CDH13: variants seen among roughly 807,000 people sequenced by gnomAD.
CDH13 encodes cadherin 13.
In CDH13, 24 loss-of-function variants were observed where a neutral mutation model predicts 63.8. The observed-to-expected ratio is 0.38, with a 90% CI of 0.27 to 0.53. CDH13 has a LOEUF of 0.53. Among genes scored for constraint, CDH13 ranks in the 20% least tolerant of loss-of-function variants. CDH13 has a pLI of 0.85. For synonymous variants in CDH13, 503 were observed against 355.3 expected, an observed-to-expected ratio of 1.42 and a Z score of -4.67; for missense variants, 1,049 against 903.1, an observed-to-expected ratio of 1.16 and a Z score of -2.07.
At chr16:82,627,343 T>C (rs893125357) in intron 1 of CDH13, among the ~76,000 whole-genome samples, 1,444 of 114,346 alleles carry the variant, frequency 0.013, 22 homozygotes, top group Non-Finnish European at 0.016. Context: ...CGTGCGTGTG[T>C]GTGTGTGTGT....
intron 7 of CDH13, among the ~76,000 whole-genome samples, chr16:83,521,949 G>A (rs868338242): frequency 1.3e-5 from 2 of 151,880 alleles, no homozygotes; most frequent in African/African-American, 4.8e-5. Flanking sequence ...CTTGAAACAC[G>A]TTGTTATTTT....
chr16:83,311,011 G>C (rs895327335), intron 5 of CDH13, among the ~76,000 whole-genome samples: 1 of 152,142 alleles, frequency 6.6e-6, no homozygotes. Context: ...CCTCTTCCAG[G>C]ACAGATGTGG....
intron 11 of CDH13, among the ~76,000 whole-genome samples, chr16:83,754,913 G>A (rs1225181683): frequency 1.3e-5 from 2 of 152,026 alleles, no homozygotes; most frequent in Non-Finnish European, 2.9e-5. Context: ...TATGTCATCT[G>A]GAGCCTCTCC....
chr16:83,548,788 C>T (rs1305157608), intron 7 of CDH13, among the ~76,000 whole-genome samples: 1 of 152,128 alleles, frequency 6.6e-6, no homozygotes, highest in Non-Finnish European at 1.5e-5. Context: ...CCTTCCAACC[C>T]CCTGCCTTCC....
chr16:83,142,062 G>C (rs955940158), intron 4 of CDH13, among the ~76,000 whole-genome samples: 3 of 152,164 alleles, frequency 2.0e-5, no homozygotes, highest in African/African-American at 7.2e-5. Context: ...GTTTTGTTTG[G>C]GGAGAACAAC....
At chr16:83,601,616 TG>T (rs1907802705) in intron 7 of CDH13, among the ~76,000 whole-genome samples, 1 of 152,200 alleles carries the variant, frequency 6.6e-6, no homozygotes, top group African/African-American at 2.4e-5. Flanking sequence ...TTGAGCTGCT[TG>T]TTGAAAAGAT....
chr16:83,301,457 C>A (rs927849813), intron 5 of CDH13, among the ~76,000 whole-genome samples: 2 of 152,130 alleles, frequency 1.3e-5, no homozygotes, highest in African/African-American at 4.8e-5. Flanking sequence ...TGATGGAGCT[C>A]ATCATTTCGG....
chr16:82,872,990 C>T (rs569745010), intron 2 of CDH13, among the ~76,000 whole-genome samples: 27 of 152,180 alleles, frequency 1.8e-4, no homozygotes, highest in South Asian at 8.3e-4. Flanking sequence ...CACAGGAAAA[C>T]GGCACATGAC....
chr16:83,333,398 G>T (rs544323465), intron 5 of CDH13, among the ~76,000 whole-genome samples: 1 of 152,052 alleles, frequency 6.6e-6, no homozygotes. Context: ...CTTACGGAGC[G>T]GGGGTGGTCC....
At chr16:82,806,166 T>G (rs976052248) in intron 1 of CDH13, among the ~76,000 whole-genome samples, 3 of 152,210 alleles carry the variant, frequency 2.0e-5, no homozygotes, top group African/African-American at 7.2e-5. Context: ...ATATAAGGAC[T>G]CTTCTCTTGC....
chr16:82,853,182 A>AT (rs1394040040), intron 1 of CDH13, among the ~76,000 whole-genome samples: 1 of 152,202 alleles, frequency 6.6e-6, no homozygotes, highest in Admixed American at 6.5e-5. Flanking sequence ...CAACTCAATC[A>AT]TATCAGGCAC....
chr16:83,341,273 C>A (rs2090716314), intron 5 of CDH13, among the ~76,000 whole-genome samples: 1 of 152,202 alleles, frequency 6.6e-6, no homozygotes, highest in Non-Finnish European at 1.5e-5. Flanking sequence ...AGAAGGCAGG[C>A]AAGAACGTTA....
At chr16:83,488,487 T>C (rs144627654) in intron 7 of CDH13, among the ~76,000 whole-genome samples, 5 of 152,374 alleles carry the variant, frequency 3.3e-5, no homozygotes, top group African/African-American at 7.2e-5. Flanking sequence ...GAAATTTGCA[T>C]TGAAACTCTG....
intron 1 of CDH13, among the ~76,000 whole-genome samples, chr16:82,841,784 A>T (rs996519835): frequency 6.6e-6 from 1 of 152,068 alleles, no homozygotes; most frequent in Non-Finnish European, 1.5e-5. Context: ...AACATTCTTA[A>T]TCCAAATGAT....
At chr16:83,163,218 C>T (rs1454188315) in intron 4 of CDH13, among the ~76,000 whole-genome samples, 3 of 152,106 alleles carry the variant, frequency 2.0e-5, no homozygotes, top group Non-Finnish European at 4.4e-5. Flanking sequence ...TCCAATAAAC[C>T]TTTATTTTTG....
At chr16:83,344,138 G>T (rs1012311865) in intron 5 of CDH13, among the ~76,000 whole-genome samples, 1 of 152,196 alleles carries the variant, frequency 6.6e-6, no homozygotes, top group African/African-American at 2.4e-5. Flanking sequence ...TTAAATCAAG[G>T]TTGAATTACG....
intron 2 of CDH13, among the ~76,000 whole-genome samples, chr16:82,862,796 C>A (rs1474439432): frequency 2.0e-5 from 3 of 152,206 alleles, no homozygotes; most frequent in African/African-American, 7.2e-5. Context: ...TCAGATCATG[C>A]AGATGCAGTC....
At chr16:83,447,525 C>T (rs184707138) in intron 6 of CDH13, among the ~76,000 whole-genome samples, 1 of 152,032 alleles carries the variant, frequency 6.6e-6, no homozygotes, top group Non-Finnish European at 1.5e-5. Context: ...ACCCAAAGAG[C>T]AGATAAACAC....
At chr16:83,303,657 A>G (rs1281010218) in intron 5 of CDH13, among the ~76,000 whole-genome samples, 1 of 152,196 alleles carries the variant, frequency 6.6e-6, no homozygotes, top group Non-Finnish European at 1.5e-5. Context: ...AACTTCAACG[A>G]ACAGCCTTAT....
Sources: allele counts gnomAD v4.1 joint callset (sites outside exome capture counted in the v4.1 genomes callset), GRCh38; gene constraint gnomAD v4.1.1; transcripts MANE v1.5; gene names NCBI Gene and HGNC (gene_info 2026-07-23, HGNC 2026-07-21).